Variants in PTPRB observed in about 807,000 individuals in gnomAD.
PTPRB encodes receptor-type tyrosine-protein phosphatase beta.
Under a neutral mutation model 238.1 loss-of-function variants are expected in PTPRB, and 97 were observed. That is an observed-to-expected ratio of 0.41 (90% CI 0.35 to 0.48). PTPRB has a LOEUF of 0.48. Among genes scored for constraint, PTPRB ranks in the 20% least tolerant of loss-of-function variants. PTPRB has a pLI of 0.30. For synonymous variants in PTPRB, 970 were observed against 995.4 expected (o/e 0.97, Z 0.48); for missense variants, 2,292 against 2,681.9 (o/e 0.85, Z 3.21).
At chr12:70,615,254 C>T (rs1050541898) in intron 3 of PTPRB, among the ~76,000 whole-genome samples, 3 of 152,166 alleles carry the variant, frequency 2.0e-5, no homozygotes, top group Non-Finnish European at 4.4e-5. Flanking sequence ...ATTATCATTG[C>T]TTCCAATCTC....
intron 15 of PTPRB, among the ~76,000 whole-genome samples, chr12:70,565,900 G>A (rs566182576): frequency 6.6e-6 from 1 of 152,276 alleles, no homozygotes; most frequent in Admixed American, 6.5e-5. Flanking sequence ...GTAATCACAA[G>A]AGTCCTTAAA....
chr12:70,530,853 T>C (rs1873128951), intron 32 of PTPRB, among the ~76,000 whole-genome samples: 1 of 152,150 alleles, frequency 6.6e-6, no homozygotes, highest in Non-Finnish European at 1.5e-5. Context: ...GCACCAGGAT[T>C]ACAGGCATGA....
intron 4 of PTPRB, among the ~76,000 whole-genome samples, chr12:70,605,884 G>C (rs1184147178): frequency 6.6e-6 from 1 of 152,000 alleles, no homozygotes; most frequent in Non-Finnish European, 1.5e-5. Context: ...GTCTTCAAAA[G>C]TGCCAAGTTT....
At chr12:70,590,699 C>T (rs1213776992) in intron 7 of PTPRB, among the ~76,000 whole-genome samples, 8 of 151,230 alleles carry the variant, frequency 5.3e-5, no homozygotes, top group African/African-American at 1.7e-4. Flanking sequence ...GTTCAGACCC[C>T]ATATCCTTCC....
intron 31 of PTPRB, among the ~76,000 whole-genome samples, 178 bp from the exon 32 acceptor site, chr12:70,532,348 TTCTA>T (rs1037285763): frequency 1.3e-5 from 1 of 79,872 alleles, no homozygotes; most frequent in Non-Finnish European, 2.3e-5. Flanking sequence ...CCCCACAGCC[TTCTA>T]TCTCTTTCCA....
At chr12:70,555,074 T>C in intron 20 of PTPRB, 86 bp downstream of exon 20, 1 of 1,465,502 alleles carries the variant, frequency 6.8e-7, no homozygotes, top group East Asian at 2.3e-5. Context: ...TTAAGTTTCT[T>C]AAACTTTGTC....
chr12:70,607,992 G>T (rs969251842), intron 4 of PTPRB, among the ~76,000 whole-genome samples: 4 of 151,712 alleles, frequency 2.6e-5, no homozygotes, highest in African/African-American at 7.3e-5. Flanking sequence ...GAAAAAAAAA[G>T]ATAATATCTA....
chr12:70,539,517 G>A, intron 26 of PTPRB, 108 bp downstream of exon 26: 1 of 850,634 alleles, frequency 1.2e-6, no homozygotes, highest in East Asian at 2.7e-5. Context: ...ATTCTAAGCA[G>A]CCTCCTAACT....
chr12:70,608,959 T>A, intron 4 of PTPRB, 110 bp downstream of exon 4: 7 of 1,397,934 alleles, frequency 5.0e-6, no homozygotes, highest in Non-Finnish European at 6.9e-6. Context: ...TTCACAGGTA[T>A]TTTTACCTTC....
Position 70,576,576 on chromosome 12 carries a change from A to G in PTPRB, c.2648T>C (p.Leu883Pro), listed in dbSNP as rs780792490. The change falls in exon 11 of 34, where the codon CTG (leucine) becomes CCG (proline). Residue 883 changes from leucine (L) to proline (P), a missense_variant. Around this residue, in one of 4 missense-constraint regions of PTPRB, gnomAD observed 1,205 missense variants for 1,287.8 expected, o/e 0.94. Transcript: ENST00000334414. The part of the protein sequence containing the change: ...GRNDYLSVSW[L>P]LAPGDVDNYE... ...GTTATCCACATCTCCGGGCGCCAGC[A>G]GCCAGGAAACGCTGAGGTAGTCATT... 12 of 1,544,332 alleles carry G rather than the reference A, an allele frequency of 7.8e-6. No individual in the cohort carries two copies. The Admixed American group carries it at 2.4e-4, about 31-fold the overall frequency.
intron 10 of PTPRB, among the ~76,000 whole-genome samples, chr12:70,580,023 A>G (rs1357233836): frequency 6.6e-6 from 1 of 152,074 alleles, no homozygotes; most frequent in Non-Finnish European, 1.5e-5. Context: ...TAATTATCAA[A>G]GCTTCTATTG....
At position 70,555,850 on chromosome 12, in the gene PTPRB, G is replaced by A. The variant is rs375442420; in HGVS notation, c.4993+20C>T. On this transcript the variant is annotated intron_variant, in intron 19 of 33. Transcript: ENST00000334414. ...ACTCCAGTGACAGGAGGCTCTGTGC[G>A]CACCTCCAGGGACACTTACGGTCTA... The A allele has an allele frequency of 3.7e-5, 60 of 1,609,390 alleles. No homozygotes were observed. Among genetic ancestry groups the A allele is most frequent in the East Asian group, 6.7e-5 (3 of 44,804 alleles).
At chr12:70,538,852 A>T in intron 27 of PTPRB, 72 bp downstream of exon 27, 1 of 1,228,972 alleles carries the variant, frequency 8.1e-7, no homozygotes, top group Non-Finnish European at 1.2e-6. Flanking sequence ...CTTTAGCCTC[A>T]TTTCATTTTT....
In PTPRB at chr12:70,576,414, T is replaced by C. The variant is rs1163531686; in HGVS notation, c.2810A>G (p.Tyr937Cys). ...TVTITTRSGK[Y>C]ENHSFSQERT... Reference sequence around the variant, plus strand: ...CTCTTGGCTGAAGGAGTGATTTTCATACTTGCCACTCCTTGTAGTTATGGT... The same window carrying C: ...CTCTTGGCTGAAGGAGTGATTTTCACACTTGCCACTCCTTGTAGTTATGGT... The change falls in exon 11 of 34, where the codon TAT becomes TGT. Residue 937 changes from tyrosine (Y) to cysteine (C), a missense_variant. Physicochemically the swap from Tyr to Cys is radical, Grantham distance 194 (BLOSUM62 -2). Around this residue, in one of 4 missense-constraint regions of PTPRB, gnomAD observed 1,205 missense variants for 1,287.8 expected, o/e 0.94. Transcript: ENST00000334414. 1 of 1,611,596 alleles carries C rather than the reference T, an allele frequency of 6.2e-7. No individual in the cohort carries two copies. Among genetic ancestry groups the C allele is most frequent in the East Asian group, 2.2e-5 (1 of 44,798 alleles).
intron 2 of PTPRB, among the ~76,000 whole-genome samples, chr12:70,630,649 T>A (rs1592611354): frequency 1.3e-5 from 2 of 152,224 alleles, no homozygotes; most frequent in East Asian, 3.8e-4. Context: ...GCAGATGACA[T>A]GATTGTATAT....
chr12:70,604,190 G>C lies in PTPRB; in HGVS notation c.979+4879C>G, dbSNP rs560110590. ...TGGGAGGTCAAGGCTGCAGTGAGCT[G>C]TGATTGTGCCACTGCACTCCAGCCT... On this transcript the variant is annotated intron_variant, in intron 4 of 33. Transcript: ENST00000334414. 3.3e-4 allele frequency among the ~76,000 whole-genome samples: 50 copies of C among 152,188 alleles called. 3 individuals carry two copies. The South Asian group carries it at 1.0e-2, about 30-fold the overall frequency.
rs1213336217 is a variant in PTPRB at position 70,532,039 on chromosome 12, G to T, written c.6500C>A (p.Thr2167Asn). Reference protein sequence around the residue: ...LRLHRVHMVQTECQYVYLHQC... With the variant: ...LRLHRVHMVQNECQYVYLHQC... The stretch of plus-strand genomic sequence containing the variant: ...CTTTCAGTCTATAACTCTTACCTCA[G>T]TCTGGACCATGTGAACCCTGTGAAG... The change falls in exon 32 of 34, where the codon ACT (threonine) becomes AAT (asparagine). Residue 2167 changes from threonine (T) to asparagine (N), a missense_variant. Physicochemically the swap from Thr to Asn is moderately conservative, Grantham distance 65. Around this residue, in one of 4 missense-constraint regions of PTPRB, gnomAD observed 397 missense variants for 502.0 expected, o/e 0.79. Transcript: ENST00000334414. 3.7e-6 allele frequency: 6 copies of T among 1,613,742 alleles called. No individual in the cohort carries two copies. Among genetic ancestry groups the T allele is most frequent in the Non-Finnish European group, 4.2e-6 (5 of 1,179,868 alleles).
At chr12:70,631,763 G>A (rs1566027331) in intron 2 of PTPRB, among the ~76,000 whole-genome samples, 1 of 152,064 alleles carries the variant, frequency 6.6e-6, no homozygotes, top group Non-Finnish European at 1.5e-5. Flanking sequence ...TCAAAAAGTG[G>A]GCAAAGGATA....
In PTPRB at chr12:70,553,771, A is replaced by G. The variant is rs140952259; in HGVS notation, c.5144-751T>C. 4.5e-3 allele frequency among the ~76,000 whole-genome samples: 684 copies of G among 152,338 alleles called. 4 individuals are homozygous for G. The highest frequency in any genetic ancestry group is 0.015 in the African/African-American group (627 of 41,564). On this transcript the variant is annotated intron_variant, in intron 20 of 33. Transcript: ENST00000334414. ...AGCATCCTGGATTGTTGTTTAATAA[A>G]ATTTGCTCATAAGTGAGTCTTAGAA... is the stretch of plus-strand genomic sequence containing the variant.
Sources: gnomAD v4.1 joint callset for allele counts (sites outside exome capture counted in the v4.1 genomes callset) on GRCh38, gnomAD v4.1.1 for gene constraint, gnomAD v4.1.1 regional missense constraint, MANE v1.5 for transcripts, NCBI Gene and HGNC (gene_info 2026-07-23, HGNC 2026-07-21) for gene names.